DSG1: variants seen among roughly 807,000 people sequenced by gnomAD.
DSG1 encodes the protein desmoglein-1.
A neutral mutation model predicts 97.5 loss-of-function variants in DSG1; 39 were observed. The ratio of observed to expected loss-of-function variants is 0.40; its 90% confidence interval spans 0.31 to 0.52. The LOEUF (loss-of-function observed/expected upper bound fraction) is 0.52. Ranked by LOEUF, DSG1 falls within the 20% of genes least tolerant of loss-of-function variation. DSG1 has a pLI of 0.53. For missense variants in DSG1, 1,311 were observed against 1,295.4 expected, an observed-to-expected ratio of 1.01 and a Z score of -0.18; for synonymous variants, 475 against 443.4, an observed-to-expected ratio of 1.07 and a Z score of -0.90.
intron 1 of DSG1, among the ~76,000 whole-genome samples, chr18:31,325,041 A>C (rs1201357392): frequency 1.3e-5 from 2 of 152,030 alleles, no homozygotes; most frequent in Non-Finnish European, 2.9e-5. Flanking sequence ...CTCTATCAAG[A>C]GTCAGATTTC....
intron 6 of DSG1, among the ~76,000 whole-genome samples, chr18:31,333,372 G>T (rs1183941660): frequency 6.6e-6 from 1 of 152,068 alleles, no homozygotes; most frequent in Non-Finnish European, 1.5e-5. Flanking sequence ...AATAAGAAAT[G>T]AAGCCTTTTA....
At chr18:31,347,549 T>A (rs1223785515) in intron 14 of DSG1, 5 of 152,224 alleles carry the variant, frequency 3.3e-5, no homozygotes, top group African/African-American at 1.2e-4. Flanking sequence ...GGCTCAATCA[T>A]TTTTTTATAT....
At position 31,355,522 on chromosome 18, in the gene DSG1, C is replaced by T; in HGVS notation, c.*176C>T. Reference sequence around the variant, plus strand: ...ACACCACTGCTAGGGGAGAGCTCTCCTTAGCATTCATAAACTTTTCTCTTA... The same window carrying T: ...ACACCACTGCTAGGGGAGAGCTCTCTTTAGCATTCATAAACTTTTCTCTTA... On this transcript the variant is annotated 3_prime_UTR_variant, in exon 15 of 15. Coordinates refer to ENST00000257192, the MANE Select transcript of DSG1 (RefSeq NM_001942.4). 1 of 675,212 alleles carries T rather than the reference C, an allele frequency of 1.5e-6. No individual in the cohort carries two copies. The highest frequency in any genetic ancestry group is 1.8e-5 in the South Asian group (1 of 54,650). The allele number at this position is 675,212 out of a possible 1,614,324, so 41.8% of individuals were successfully genotyped here.
Position 31,355,229 on chromosome 18 carries a change from C to T in DSG1, c.3033C>T (p.Ser1011=). The T allele has an allele frequency of 6.2e-7, 1 of 1,607,296 alleles. No individual in the cohort carries two copies. Among genetic ancestry groups the T allele is most frequent in the Non-Finnish European group, 8.5e-7 (1 of 1,175,634 alleles). ...TGAGCAGCTTGGGAGGGACAGCCAG[C>T]ATTGGCCACATGAGGAGTTCCTCTG... is the stretch of plus-strand genomic sequence containing the variant. ...IGLSSLGGTA[S]IGHMRSSSDH... is the part of the protein sequence containing the mutation. The change falls in exon 15 of 15, where the codon AGC becomes AGT. Residue 1011 remains serine (S), a synonymous_variant. Coordinates refer to ENST00000257192, the MANE Select transcript of DSG1 (RefSeq NM_001942.4).
chr18:31,354,691 A>G lies in DSG1; in HGVS notation c.2495A>G (p.Tyr832Cys). The change falls in exon 15 of 15, where the codon TAT (tyrosine) becomes TGT (cysteine). Residue 832 changes from tyrosine to cysteine, a missense_variant. Physicochemically the swap from Tyr to Cys is radical, Grantham distance 194. Coordinates refer to ENST00000257192, the MANE Select transcript of DSG1 (RefSeq NM_001942.4). ...AAGCCTATTCTCGATCCTCTGGGCT[A>G]TGGTAATGTCACTGTGACCGAGTCT... The part of the protein sequence containing the change: ...HPKPILDPLG[Y>C]GNVTVTESYT... 6.2e-7 allele frequency: 1 copy of G among 1,614,098 alleles called. No individual in the cohort carries two copies. Among genetic ancestry groups the G allele is most frequent in the Non-Finnish European group, 8.5e-7 (1 of 1,180,018 alleles).
At position 31,358,428 on chromosome 18, in the gene DSG1, T is replaced by C. The variant is rs966225344; in HGVS notation, c.*3082T>C. 6.6e-5 allele frequency among the ~76,000 whole-genome samples: 10 copies of C among 152,102 alleles called. No homozygotes were observed. Among genetic ancestry groups the C allele is most frequent in the African/African-American group, 2.4e-4 (10 of 41,466 alleles). ...TTATTTATATATCTTCATCTAGACATCTGTTCTACATTTGTGTATAAAGTT... is the reference window on the plus strand; with the variant it reads ...TTATTTATATATCTTCATCTAGACACCTGTTCTACATTTGTGTATAAAGTT... On this transcript the variant is annotated 3_prime_UTR_variant, in exon 15 of 15. Transcript: ENST00000257192.
intron 4 of DSG1, 89 bp downstream of exon 4, chr18:31,328,433 G>A: frequency 1.4e-6 from 2 of 1,385,628 alleles, no homozygotes; most frequent in Non-Finnish European, 2.0e-6. Flanking sequence ...TTGATTTCAA[G>A]AGTCTCAATA....
At chr18:31,338,768 A>G (rs1181922828) in intron 10 of DSG1, among the ~76,000 whole-genome samples, 1 of 152,178 alleles carries the variant, frequency 6.6e-6, no homozygotes, top group East Asian at 1.9e-4. Flanking sequence ...GTTTAGAAGG[A>G]TGTGATGATA....
chr18:31,347,188 G>C (rs1039255604), intron 14 of DSG1, among the ~76,000 whole-genome samples: 7 of 152,134 alleles, frequency 4.6e-5, no homozygotes, highest in Non-Finnish European at 7.4e-5. Flanking sequence ...ATTGGTAAAA[G>C]CATTCAAATA....
chr18:31,355,329 G>C lies in DSG1; in HGVS notation c.3133G>C (p.Val1045Leu). 1 of 1,614,036 alleles carries C rather than the reference G, an allele frequency of 6.2e-7. No individual in the cohort carries two copies. Among genetic ancestry groups the C allele is most frequent in the Non-Finnish European group, 8.5e-7 (1 of 1,179,984 alleles). The change falls in exon 15 of 15, where the codon GTG becomes CTG. Residue 1045 changes from valine to leucine, a missense_variant. Around this residue, in one of 3 missense-constraint regions of DSG1, gnomAD observed 1,038 missense variants for 964.6 expected, o/e 1.08. Coordinates refer to ENST00000257192, the MANE Select transcript of DSG1 (RefSeq NM_001942.4). ...AAGTCGAATCACAAAGTATAGTACC[G>C]TGCAATATAGCAAGTAGTCAGGACC... ...ARSRITKYST[V>L]QYSK
chr18:31,348,244 T>TGG (rs2071859856), intron 14 of DSG1, among the ~76,000 whole-genome samples: 1 of 150,122 alleles, frequency 6.7e-6, no homozygotes, highest in Non-Finnish European at 1.5e-5. Flanking sequence ...TTGTGATAGT[T>TGG]TACTGAGAAT....
At chr18:31,318,450 T>C (rs2071633707) in intron 1 of DSG1, 102 bp downstream of exon 1, 2 of 914,708 alleles carry the variant, frequency 2.2e-6, no homozygotes, top group African/African-American at 1.6e-5. Flanking sequence ...CCTAAACCCA[T>C]TGAAAATGTA....
rs1326640370 is a variant in DSG1 at position 31,357,128 on chromosome 18, A to C, written c.*1782A>C. The stretch of plus-strand genomic sequence containing the variant: ...GAATATTCAACTTCCTCCACTGGTC[A>C]AAAGAGGATAGGAGTGAATTACTGA... On this transcript the variant is annotated 3_prime_UTR_variant, in exon 15 of 15. Coordinates refer to ENST00000257192, the MANE Select transcript of DSG1 (RefSeq NM_001942.4). The C allele has an allele frequency of 6.6e-6, 1 of 152,124 alleles. No homozygotes were observed. The highest frequency in any genetic ancestry group is 1.5e-5 in the Non-Finnish European group (1 of 67,966). 9.4% of individuals were successfully genotyped at this position (152,124 alleles called of 1,614,324 possible).
At chr18:31,337,849 A>G (rs2071764940) in intron 9 of DSG1, among the ~76,000 whole-genome samples, 2 of 152,268 alleles carry the variant, frequency 1.3e-5, no homozygotes, top group African/African-American at 4.8e-5. Flanking sequence ...GGAATTCAAA[A>G]GAGGTCTTGT....
chr18:31,320,053 G>A (rs1422817727), intron 1 of DSG1, among the ~76,000 whole-genome samples: 8 of 152,054 alleles, frequency 5.3e-5, no homozygotes, highest in African/African-American at 1.7e-4. Flanking sequence ...TCATTTTCAC[G>A]TTGACATCAT....
chr18:31,331,045 T>C (rs1322676026), intron 5 of DSG1, among the ~76,000 whole-genome samples: 1 of 152,094 alleles, frequency 6.6e-6, no homozygotes, highest in African/African-American at 2.4e-5. Context: ...CATTCTCCAA[T>C]AATCTAATAA....
At chr18:31,342,100 A>G (rs1274696354) in intron 11 of DSG1, among the ~76,000 whole-genome samples, 2 of 151,822 alleles carry the variant, frequency 1.3e-5, no homozygotes, top group African/African-American at 4.8e-5. Flanking sequence ...CACCCGGCTA[A>G]TTTTTGTATT....
At chr18:31,326,779 A>G in intron 2 of DSG1, 95 bp from the exon 3 acceptor site, 1 of 1,470,702 alleles carries the variant, frequency 6.8e-7, no homozygotes, top group Non-Finnish European at 9.5e-7. Context: ...AACATCCTCT[A>G]TTTCTGAGAT....
At chr18:31,319,319 T>C (rs1156494173) in intron 1 of DSG1, among the ~76,000 whole-genome samples, 1 of 152,222 alleles carries the variant, frequency 6.6e-6, no homozygotes, top group Non-Finnish European at 1.5e-5. Flanking sequence ...CATTTGTTTC[T>C]ACTTGCTTAA....
Sources: gnomAD v4.1 joint callset for allele counts (sites outside exome capture counted in the v4.1 genomes callset) on GRCh38, gnomAD v4.1.1 for gene constraint, gnomAD v4.1.1 regional missense constraint, MANE v1.5 for transcripts, NCBI Gene and HGNC (gene_info 2026-07-23, HGNC 2026-07-21) for gene names.